Variants in LPIN1 observed in about 807,000 individuals in gnomAD.
LPIN1 encodes phosphatidate phosphatase LPIN1.
In LPIN1, 71 loss-of-function variants were observed where a neutral mutation model predicts 107.5. The observed-to-expected ratio is 0.66, with a 90% confidence interval of 0.55 to 0.80. The LOEUF is 0.80. LPIN1 is among the 30% of genes least tolerant of loss of function. The pLI is 0.00. For synonymous variants in LPIN1, 445 were observed against 452.6 expected (o/e 0.98, Z 0.21); for missense variants, 1,043 against 1,160.6 (o/e 0.90, Z 1.47).
At chr2:11,681,144 A>G (rs1164675205) in intron 1 of LPIN1, among the ~76,000 whole-genome samples, 1 of 152,168 alleles carries the variant, frequency 6.6e-6, no homozygotes, top group South Asian at 2.1e-4. Context: ...GGGAAAATGC[A>G]TGGAGCCAGG....
chr2:11,804,540 A>G lies in LPIN1; in HGVS notation c.2131A>G (p.Ile711Val), dbSNP rs1439964420. The G allele has an allele frequency of 5.6e-6, 9 of 1,614,116 alleles. No homozygotes were observed. The highest frequency in any genetic ancestry group is 6.8e-6 in the Non-Finnish European group (8 of 1,180,048). ...TCTGTGGAACTGGGATGATAAAGTCATCATTTCTGATATTGATGGGACAAT... is the reference window on the plus strand; with the variant it reads ...TCTGTGGAACTGGGATGATAAAGTCGTCATTTCTGATATTGATGGGACAAT... Reference protein sequence around the residue: ...IYLWNWDDKVIISDIDGTITR... With the variant: ...IYLWNWDDKVVISDIDGTITR... Residue 711 changes from isoleucine (I) to valine (V), a missense_variant, in exon 16 of 21, where the codon ATC becomes GTC. Transcript: ENST00000674199.
upstream of LPIN1, chr2:11,721,834 C>T (rs534856847): frequency 6.6e-6 from 1 of 152,594 alleles, no homozygotes; most frequent in Non-Finnish European, 1.5e-5. Context: ...GGAGAGGATT[C>T]TCTAAGCAGG....
intron 1 of LPIN1, among the ~76,000 whole-genome samples, chr2:11,725,367 A>G (rs1369097445): frequency 2.6e-5 from 4 of 152,386 alleles, no homozygotes; most frequent in African/African-American, 9.6e-5. Flanking sequence ...TTTCAGGGAC[A>G]GGGAACTCCC....
upstream of LPIN1, among the ~76,000 whole-genome samples, chr2:11,744,713 G>GAGTA (rs1052468873): frequency 6.6e-6 from 1 of 152,204 alleles, no homozygotes; most frequent in Non-Finnish European, 1.5e-5. Context: ...TTTCCACATA[G>GAGTA]AGTAGACTTC....
chr2:11,770,620 C>T (rs1671688431), intron 3 of LPIN1, among the ~76,000 whole-genome samples: 5 of 152,284 alleles, frequency 3.3e-5, no homozygotes, highest in Admixed American at 2.6e-4. Context: ...CAGCAGCACA[C>T]GTTTATTTAT....
At chr2:11,696,313 G>A (rs13406650) in intron 1 of LPIN1, among the ~76,000 whole-genome samples, 193 of 151,820 alleles carry the variant, frequency 1.3e-3, no homozygotes, top group African/African-American at 4.4e-3. Flanking sequence ...GCTGACTCTC[G>A]AATGAGCTGC....
At chr2:11,706,781 C>T (rs778441879) in intron 1 of LPIN1, among the ~76,000 whole-genome samples, 13 of 152,108 alleles carry the variant, frequency 8.5e-5, no homozygotes, top group Non-Finnish European at 1.5e-4. Context: ...CCTCTTGGAG[C>T]GTGGGGTGAG....
chr2:11,700,691 G>T (rs1046237465), intron 1 of LPIN1, among the ~76,000 whole-genome samples: 1 of 152,168 alleles, frequency 6.6e-6, no homozygotes, highest in African/African-American at 2.4e-5. Flanking sequence ...GTATGAAGCC[G>T]CTCTGAGCCT....
rs547395375 is a variant in LPIN1 at position 11,732,229 on chromosome 2, G to T, written c.-72+7690G>T. Among the ~76,000 whole-genome samples the T allele has an allele frequency of 7.2e-5, 11 of 152,306 alleles. No homozygotes were observed. In the South Asian group the frequency reaches 2.3e-3, roughly 32 times the overall value. On this transcript the variant is annotated intron_variant, in intron 1 of 21. Coordinates refer to the LPIN1 transcript ENST00000396097. ...TATTTTGTTGTTGTTGGAGGTGGTG[G>T]TCGTGTGTATCATTAATACTATTGC...
At chr2:11,704,778 G>C (rs1663045826) in intron 1 of LPIN1, among the ~76,000 whole-genome samples, 1 of 152,158 alleles carries the variant, frequency 6.6e-6, no homozygotes, top group South Asian at 2.1e-4. Flanking sequence ...ATCCCCTGCA[G>C]GGCTCTGCTC....
chr2:11,730,118 G>A (rs1315611791), intron 1 of LPIN1, among the ~76,000 whole-genome samples: 1 of 151,724 alleles, frequency 6.6e-6, no homozygotes, highest in East Asian at 1.9e-4. Context: ...CACGTATGTT[G>A]ACATCGACCC....
intron 3 of LPIN1, 128 bp downstream of exon 3, chr2:11,767,986 A>T (rs1188638547): frequency 1.4e-6 from 1 of 724,140 alleles, no homozygotes; most frequent in Non-Finnish European, 2.5e-6. Context: ...GGGCAGAGAA[A>T]AGTGGGCGTT....
At chr2:11,799,416 A>G (rs1279384984) in intron 14 of LPIN1, among the ~76,000 whole-genome samples, 1 of 132,524 alleles carries the variant, frequency 7.5e-6, no homozygotes, top group African/African-American at 3.3e-5. Context: ...TTTCCCATTC[A>G]ATGAGGGGCC....
At chr2:11,725,445 G>A (rs888801309) in intron 1 of LPIN1, among the ~76,000 whole-genome samples, 3 of 152,136 alleles carry the variant, frequency 2.0e-5, no homozygotes, top group South Asian at 2.1e-4. Context: ...AATAGGTACC[G>A]GAACTTCAAT....
intron 1 of LPIN1, among the ~76,000 whole-genome samples, chr2:11,706,037 T>G (rs1369814439): frequency 6.6e-6 from 1 of 152,160 alleles, no homozygotes; most frequent in African/African-American, 2.4e-5. Flanking sequence ...CTGCACAAGC[T>G]CTCTCTTTTC....
At chr2:11,698,614 C>G (rs1414480689) in intron 1 of LPIN1, among the ~76,000 whole-genome samples, 1 of 152,226 alleles carries the variant, frequency 6.6e-6, no homozygotes, top group Non-Finnish European at 1.5e-5. Flanking sequence ...GAGTGAATTC[C>G]TTTCTTCCGC....
chr2:11,715,318 C>T (rs1328962365), intron 2 of LPIN1, among the ~76,000 whole-genome samples: 1 of 152,192 alleles, frequency 6.6e-6, no homozygotes, highest in African/African-American at 2.4e-5. Flanking sequence ...AAAGGCAATC[C>T]GCTGGCCTCC....
chr2:11,742,421 T>C (rs569299154), upstream of LPIN1, among the ~76,000 whole-genome samples: 72 of 152,320 alleles, frequency 4.7e-4, 1 homozygote, highest in Non-Finnish European at 5.7e-4. Context: ...GCTGTTTTCT[T>C]AGCACTGGAG....
In LPIN1 at chr2:11,784,918, G is replaced by T. The variant is rs774381690; in HGVS notation, c.1391G>T (p.Ser464Ile). The T allele has an allele frequency of 5.6e-6, 9 of 1,613,846 alleles. No individual in the cohort carries two copies. Among genetic ancestry groups the T allele is most frequent in the Non-Finnish European group, 8.5e-7 (1 of 1,180,030 alleles). The part of the protein sequence containing the change: ...GDPSGLAKHA[S>I]DNGARSANQS... The stretch of plus-strand genomic sequence containing the variant: ...CCTTCCGGACTCGCAAAACATGCAA[G>T]CGACAACGGAGCCCGGTCAGCCAAC... The change falls in exon 10 of 21, where the codon AGC (serine) becomes ATC (isoleucine). Residue 464 changes from serine (S) to isoleucine (I), a missense_variant. Coordinates refer to ENST00000674199, the MANE Select transcript of LPIN1 (RefSeq NM_001349206.2).
Sources: allele counts gnomAD v4.1 joint callset (sites outside exome capture counted in the v4.1 genomes callset), GRCh38; gene constraint gnomAD v4.1.1; transcripts MANE v1.5; gene names NCBI Gene and HGNC (gene_info 2026-07-23, HGNC 2026-07-21).